Variants in GREB1 observed in about 807,000 individuals in gnomAD.
The protein encoded by GREB1 is growth regulating estrogen receptor binding 1.
Under a neutral mutation model 200.7 loss-of-function variants are expected in GREB1, and 106 were observed. That is an observed-to-expected ratio of 0.53 (90% confidence interval 0.45 to 0.62). The LOEUF (loss-of-function observed/expected upper bound fraction) is 0.62. Among genes scored for constraint, GREB1 ranks in the 20% least tolerant of loss-of-function variants. GREB1 has a pLI of 0.00. For missense variants in GREB1, 2,243 were observed against 2,556.8 expected, an observed-to-expected ratio of 0.88 and a Z score of 2.65; for synonymous variants, 1,132 against 1,092.4, an observed-to-expected ratio of 1.04 and a Z score of -0.72.
rs568351026 is a variant in GREB1, at chr2:11,606,091, G to A, written c.2666+3549G>A. ...GGGGGTTAACTCCAGAACTGTCCCCGCCATACCAAAATCCATGCATACTCC... is the reference window on the plus strand; with the variant it reads ...GGGGGTTAACTCCAGAACTGTCCCCACCATACCAAAATCCATGCATACTCC... On this transcript the variant is annotated intron_variant, in intron 17 of 32. Coordinates refer to ENST00000381486, the MANE Select transcript of GREB1 (RefSeq NM_014668.4). 5.3e-5 allele frequency among the ~76,000 whole-genome samples: 8 copies of A among 152,286 alleles called. No homozygotes were observed. The South Asian group carries it at 1.2e-3, about 24-fold the overall frequency.
chr2:11,543,857 G>A (rs934142180), intron 1 of GREB1, among the ~76,000 whole-genome samples: 25 of 152,244 alleles, frequency 1.6e-4, no homozygotes, highest in African/African-American at 6.0e-4. Context: ...GTGCTGCTGG[G>A]TGGTGTGAAG....
chr2:11,554,628 CAGT>C (rs1326516615), intron 1 of GREB1, among the ~76,000 whole-genome samples: 1 of 152,202 alleles, frequency 6.6e-6, no homozygotes, highest in Non-Finnish European at 1.5e-5. Context: ...GTGGTCATTT[CAGT>C]GCAGGCATCT....
rs749067376 is a variant in GREB1, at chr2:11,562,526, G to T, written c.221G>T (p.Gly74Val). The T allele has an allele frequency of 1.3e-5, 21 of 1,605,096 alleles. No homozygotes were observed. The highest frequency in any genetic ancestry group is 1.7e-5 in the Non-Finnish European group (20 of 1,176,016). The stretch of plus-strand genomic sequence containing the variant: ...GGAGAAGGAGGGCTGGAAACAAATG[G>T]CCCCCCAAACCCTTTCCAGCTGCAC... ...EEGEGGLETN[G>V]PPNPFQLHPL... is the part of the protein sequence containing the mutation. Residue 74 changes from glycine to valine, a missense_variant, in exon 3 of 33, where the codon GGC (glycine) becomes GTC (valine). By Grantham distance (109) the Gly-to-Val change is moderately radical. Transcript: ENST00000381486.
chr2:11,585,543 G>A (rs1324502642), intron 8 of GREB1, among the ~76,000 whole-genome samples: 10 of 152,218 alleles, frequency 6.6e-5, no homozygotes, highest in Non-Finnish European at 1.0e-4. Context: ...TGACTTGGCA[G>A]GGATATCGAA....
At chr2:11,594,318 A>G (rs1681011894) in intron 11 of GREB1, among the ~76,000 whole-genome samples, 2 of 150,138 alleles carry the variant, frequency 1.3e-5, no homozygotes, top group African/African-American at 4.9e-5. Context: ...CATTTAATGT[A>G]CTTTTTAAGT....
chr2:11,569,782 GGCA>G (rs1678072180), intron 4 of GREB1, among the ~76,000 whole-genome samples: 2 of 152,152 alleles, frequency 1.3e-5, no homozygotes, highest in Admixed American at 1.3e-4. Context: ...GAGGATGAAG[GGCA>G]TCTCAGCAGA....
chr2:11,518,158 A>G (rs1673573900), intron 1 of GREB1, among the ~76,000 whole-genome samples: 1 of 152,248 alleles, frequency 6.6e-6, no homozygotes, highest in Non-Finnish European at 1.5e-5. Flanking sequence ...ATGGTCTGCA[A>G]TGGAGTGGAC....
At chr2:11,485,337 A>G (rs1201561588) in intron 1 of GREB1, among the ~76,000 whole-genome samples, 4 of 150,776 alleles carry the variant, frequency 2.7e-5, no homozygotes, top group Non-Finnish European at 5.9e-5. Context: ...CAGTGGCACA[A>G]TCTCAGCTCA....
chr2:11,620,231 TC>T (rs1347830519), intron 22 of GREB1, among the ~76,000 whole-genome samples: 1 of 152,152 alleles, frequency 6.6e-6, no homozygotes, highest in East Asian at 1.9e-4. Flanking sequence ...CGCCTCAGCC[TC>T]CCAAAGTGCT....
At chr2:11,592,030 T>G in intron 10 of GREB1, 1 of 980,384 alleles carries the variant, frequency 1.0e-6, no homozygotes, top group Non-Finnish European at 1.2e-6. Flanking sequence ...AAAGCCTATA[T>G]TCCCAGGCTG....
intron 2 of GREB1, 70 bp downstream of exon 2, chr2:11,556,841 T>G: frequency 8.7e-7 from 1 of 1,146,196 alleles, no homozygotes; most frequent in Non-Finnish European, 1.2e-6. Flanking sequence ...GCACCAGAAC[T>G]TGAAACTCTT....
chr2:11,637,829 C>A lies in GREB1; in HGVS notation c.5460C>A (p.His1820Gln). 6.2e-7 allele frequency: 1 copy of A among 1,614,230 alleles called. No homozygotes were observed. The highest frequency in any genetic ancestry group is 8.5e-7 in the Non-Finnish European group (1 of 1,180,042). Reference protein sequence around the residue: ...AQLLLEKFLQHHSHLFFPLSL... With the variant: ...AQLLLEKFLQQHSHLFFPLSL... The stretch of plus-strand genomic sequence containing the variant: ...TCCTGCTGGAGAAGTTCCTGCAGCA[C>A]CACAGCCACCTCTTCTTCCCGCTGT... Residue 1820 changes from histidine (H) to glutamine (Q), a missense_variant, in exon 31 of 33, where the codon CAC (histidine) becomes CAA (glutamine). Around this residue, in one of 3 missense-constraint regions of GREB1, gnomAD observed 478 missense variants for 616.3 expected, o/e 0.78. Transcript: ENST00000381486.
intron 9 of GREB1, chr2:11,588,402 A>G (rs541789581): frequency 5.0e-6 from 3 of 596,614 alleles, no homozygotes; most frequent in East Asian, 6.4e-5. Context: ...TCTGCCCACA[A>G]GGTGTCCCAT....
chr2:11,530,122 C>T (rs1674017264), upstream of GREB1, among the ~76,000 whole-genome samples: 2 of 151,802 alleles, frequency 1.3e-5, no homozygotes, highest in African/African-American at 4.8e-5. Flanking sequence ...AGGACAGGGG[C>T]ACCATCTTGG....
chr2:11,620,957 T>C lies in GREB1; in HGVS notation c.4097T>C (p.Leu1366Pro). 3.1e-6 allele frequency: 5 copies of C among 1,613,258 alleles called. No individual in the cohort carries two copies. Among genetic ancestry groups the C allele is most frequent in the Non-Finnish European group, 4.2e-6 (5 of 1,179,148 alleles). The stretch of plus-strand genomic sequence containing the variant: ...TTCCTCAGTGTCCTGTCCAGGATGC[T>C]TGTTCGGCTCACAGAAGTGGATGTC... ...LQFLSVLSRM[L>P]VRLTEVDVYD... The change falls in exon 23 of 33, where the codon CTT (leucine) becomes CCT (proline). Residue 1366 changes from leucine (L) to proline (P), a missense_variant. Around this residue, in one of 3 missense-constraint regions of GREB1, gnomAD observed 587 missense variants for 553.1 expected, o/e 1.06. Coordinates refer to ENST00000381486, the MANE Select transcript of GREB1 (RefSeq NM_014668.4).
At chr2:11,625,554 A>G (rs1328325920) in intron 24 of GREB1, among the ~76,000 whole-genome samples, 1 of 152,212 alleles carries the variant, frequency 6.6e-6, no homozygotes, top group East Asian at 1.9e-4. Context: ...ATTTGTCACC[A>G]TTGGAATATT....
At chr2:11,489,291 C>G (rs1043499511) in intron 1 of GREB1, among the ~76,000 whole-genome samples, 1 of 152,024 alleles carries the variant, frequency 6.6e-6, no homozygotes, top group African/African-American at 2.4e-5. Context: ...ACTGAAAATA[C>G]AAAAATTAGC....
intron 10 of GREB1, chr2:11,591,955 T>C: frequency 1.0e-6 from 1 of 967,938 alleles, no homozygotes; most frequent in Non-Finnish European, 1.2e-6. Flanking sequence ...TGCAGCTATT[T>C]GTAAGGACAG....
rs1041713911 is a variant in GREB1, at chr2:11,551,536, G to A, written c.-161-4918G>A. Among the ~76,000 whole-genome samples the A allele has an allele frequency of 5.3e-5, 8 of 152,312 alleles. No individual in the cohort carries two copies. In the East Asian group the frequency reaches 1.5e-3, roughly 29 times the overall value. On this transcript the variant is annotated intron_variant, in intron 1 of 32. Coordinates refer to ENST00000381486, the MANE Select transcript of GREB1 (RefSeq NM_014668.4). ...ATGTCTGATTTTCACCCTTGGGTTT[G>A]TTTTTGTTATTCTATCACTGTGTCA...
Sources: allele counts gnomAD v4.1 joint callset (sites outside exome capture counted in the v4.1 genomes callset), GRCh38; gene constraint gnomAD v4.1.1; regional missense constraint gnomAD v4.1.1; transcripts MANE v1.5; gene names NCBI Gene and HGNC (gene_info 2026-07-23, HGNC 2026-07-21).